COLEC10: variants seen among roughly 807,000 people sequenced by gnomAD.
COLEC10 encodes collectin subfamily member 10.
COLEC10 carries 22 observed loss-of-function variants against 28.4 expected under a neutral mutation model. That is an observed-to-expected ratio of 0.78 (90% CI 0.55 to 1.11). COLEC10 has a LOEUF of 1.11. Ranked by LOEUF, COLEC10 falls within the 50% of genes least tolerant of loss-of-function variation. The pLI, the probability that COLEC10 is intolerant of heterozygous loss-of-function variation, is 0.00. For synonymous variants in COLEC10, 125 were observed against 116.1 expected, an observed-to-expected ratio of 1.08 and a Z score of -0.49; for missense variants, 361 against 344.1, an observed-to-expected ratio of 1.05 and a Z score of -0.39.
At chr8:118,983,963 A>G in the COLEC10 span, among the ~76,000 whole-genome samples, 4 of 151,758 alleles carry the variant, frequency 2.6e-5, no homozygotes, top group East Asian at 1.9e-4. Flanking sequence ...TTACCATTCA[A>G]TCTGGTAATC....
At chr8:119,069,629 A>AAAAAAATATATAT (rs1554627284) in intron 1 of COLEC10, among the ~76,000 whole-genome samples, 9 of 42,874 alleles carry the variant, frequency 2.1e-4, no homozygotes, top group Non-Finnish European at 3.1e-4. Context: ...AAAAAAAAAA[A>AAAAAAATATATAT]ATATATATAT....
chr8:119,047,284 A>G (rs1476897732), intron 2 of COLEC10, among the ~76,000 whole-genome samples: 4 of 152,168 alleles, frequency 2.6e-5, no homozygotes, highest in Non-Finnish European at 5.9e-5. Flanking sequence ...CTCTTGCCAC[A>G]TGGGTAATGG....
At chr8:118,995,779 T>C (rs534148565) in intron 1 of COLEC10, among the ~76,000 whole-genome samples, 2 of 152,302 alleles carry the variant, frequency 1.3e-5, no homozygotes, top group East Asian at 3.9e-4. Context: ...CAAGAAGGAA[T>C]ATTTAAGAAT....
At chr8:119,053,667 A>G (rs1814713693) in intron 2 of COLEC10, among the ~76,000 whole-genome samples, 1 of 125,122 alleles carries the variant, frequency 8.0e-6, no homozygotes, top group African/African-American at 3.6e-5. Flanking sequence ...TCAGGATTGT[A>G]GGCAATTAAA....
chr8:119,093,339 G>A (rs372774235), intron 3 of COLEC10, among the ~76,000 whole-genome samples: 76 of 152,214 alleles, frequency 5.0e-4, no homozygotes, highest in Middle Eastern at 3.4e-3. Context: ...GCCTGCATTC[G>A]GAGGCAGGGA....
chr8:119,019,579 C>G (rs1369237555), intron 2 of COLEC10, among the ~76,000 whole-genome samples: 1 of 152,126 alleles, frequency 6.6e-6, no homozygotes, highest in Admixed American at 6.6e-5. Flanking sequence ...GTTTCAACCT[C>G]AAAGTCTTTT....
At chr8:119,043,656 T>C (rs1814535639) in intron 2 of COLEC10, among the ~76,000 whole-genome samples, 1 of 152,256 alleles carries the variant, frequency 6.6e-6, no homozygotes, top group Non-Finnish European at 1.5e-5. Context: ...AATGTGGTTA[T>C]TTTCTCATTT....
chr8:119,001,509 G>A (rs1813699132), intron 1 of COLEC10, among the ~76,000 whole-genome samples: 1 of 152,112 alleles, frequency 6.6e-6, no homozygotes, highest in Non-Finnish European at 1.5e-5. Flanking sequence ...AATGGGCCAA[G>A]CACCATGATG....
chr8:119,009,437 T>A (rs1319263552), intron 1 of COLEC10: 3 of 150,656 alleles, frequency 2.0e-5, no homozygotes, highest in African/African-American at 7.5e-5. Flanking sequence ...GGTCTCTTTC[T>A]TAGGTGCTTG....
At chr8:118,989,333 C>G in the COLEC10 span, among the ~76,000 whole-genome samples, 1 of 151,988 alleles carries the variant, frequency 6.6e-6, no homozygotes, top group African/African-American at 2.4e-5. Context: ...ATGAACCAAA[C>G]AGATGAGAAA....
rs201563105 is a variant in COLEC10, at chr8:119,105,849, G to A, written c.492G>A (p.Gln164=). The A allele has an allele frequency of 1.2e-6, 2 of 1,613,674 alleles. No individual in the cohort carries two copies. The highest frequency in any genetic ancestry group is 1.7e-6 in the Non-Finnish European group (2 of 1,179,796). ...AAGAGAAATTCTACTACATCGTGCA[G>A]GAAGAGAAGAACTACAGGGAATCCC... is the stretch of plus-strand genomic sequence containing the variant. ...ETEEKFYYIV[Q]EEKNYRESLT... Residue 164 remains glutamine (Q), a synonymous_variant, in exon 6 of 6, where the codon CAG becomes CAA. Coordinates refer to ENST00000332843, the MANE Select transcript of COLEC10 (RefSeq NM_006438.5).
intron 3 of COLEC10, among the ~76,000 whole-genome samples, chr8:119,099,804 A>G (rs1815788080): frequency 6.6e-6 from 1 of 152,158 alleles, no homozygotes; most frequent in Non-Finnish European, 1.5e-5. Context: ...CTGAATTTCT[A>G]CCAGGCTTTT....
intron 5 of COLEC10, among the ~76,000 whole-genome samples, chr8:119,104,467 C>A (rs1180934864): frequency 2.0e-5 from 3 of 152,098 alleles, no homozygotes; most frequent in African/African-American, 7.2e-5. Context: ...TATCTGTTTT[C>A]CAACTTCCAA....
chr8:119,073,399 A>G (rs1815163083), intron 1 of COLEC10, among the ~76,000 whole-genome samples: 1 of 152,234 alleles, frequency 6.6e-6, no homozygotes, highest in Non-Finnish European at 1.5e-5. Flanking sequence ...ACCTTGATGC[A>G]AGTTAAGTTG....
chr8:119,004,587 A>G (rs1304853162), intron 1 of COLEC10, among the ~76,000 whole-genome samples: 1 of 151,078 alleles, frequency 6.6e-6, no homozygotes, highest in Non-Finnish European at 1.5e-5. Context: ...GCTTGAATAT[A>G]TCAATCAAGA....
chr8:119,026,424 C>A (rs927028728), intron 2 of COLEC10, among the ~76,000 whole-genome samples: 1 of 152,000 alleles, frequency 6.6e-6, no homozygotes, highest in African/African-American at 2.4e-5. Context: ...ATTAACTACC[C>A]AATTATGGTG....
chr8:119,083,972 T>C (rs575747636), intron 1 of COLEC10, among the ~76,000 whole-genome samples: 1 of 152,306 alleles, frequency 6.6e-6, no homozygotes, highest in African/African-American at 2.4e-5. Flanking sequence ...TTTCCACAGA[T>C]AACCTGCCTC....
At position 119,067,260 on chromosome 8, in the gene COLEC10, C is replaced by T; in HGVS notation, c.-22C>T. Reference sequence around the variant, plus strand: ...TGTTTATTTGGCATTTCTGGGAGACCCTTTTCTGAGGAACCACAGCAATGA... The same window carrying T: ...TGTTTATTTGGCATTTCTGGGAGACTCTTTTCTGAGGAACCACAGCAATGA... On this transcript the variant is annotated 5_prime_UTR_variant, in exon 1 of 6. Coordinates refer to ENST00000332843, the MANE Select transcript of COLEC10 (RefSeq NM_006438.5). The T allele has an allele frequency of 6.2e-7, 1 of 1,611,394 alleles. No individual in the cohort carries two copies.
chr8:119,006,865 A>T (rs1035954934), intron 1 of COLEC10, among the ~76,000 whole-genome samples: 6 of 152,154 alleles, frequency 3.9e-5, no homozygotes, highest in South Asian at 2.1e-4. Context: ...GTTCACAAAA[A>T]AATCCCTGAT....
Sources: allele counts gnomAD v4.1 joint callset (sites outside exome capture counted in the v4.1 genomes callset), GRCh38; gene constraint gnomAD v4.1.1; transcripts MANE v1.5; gene names NCBI Gene and HGNC (gene_info 2026-07-23, HGNC 2026-07-21).